The following PDE4B variants were observed in gnomAD, a reference collection of about 807,000 sequenced individuals.
PDE4B encodes the protein 3',5'-cyclic-AMP phosphodiesterase 4B.
A neutral mutation model predicts 82.2 loss-of-function variants in PDE4B; 20 were observed. The ratio of observed to expected loss-of-function variants is 0.24; its 90% CI spans 0.17 to 0.35. PDE4B has a LOEUF of 0.35. Among genes scored for constraint, PDE4B ranks in the 10% least tolerant of loss-of-function variants. The pLI is 1.00. For missense variants in PDE4B, 655 were observed against 907.2 expected, an observed-to-expected ratio of 0.72 and a Z score of 3.57; for synonymous variants, 320 against 318.9, an observed-to-expected ratio of 1.00 and a Z score of -0.04.
intron 7 of PDE4B, among the ~76,000 whole-genome samples, chr1:66,325,562 A>G (rs1352435339): frequency 6.6e-6 from 1 of 152,220 alleles, no homozygotes; most frequent in Non-Finnish European, 1.5e-5. Context: ...AATTTTGTGA[A>G]AAAACGATCC....
chr1:65,922,230 C>T (rs1427764314), intron 3 of PDE4B, among the ~76,000 whole-genome samples: 2 of 152,138 alleles, frequency 1.3e-5, no homozygotes, highest in Admixed American at 1.3e-4. Flanking sequence ...GATTACAATA[C>T]CTACACTTCA....
rs148691178 is a variant in PDE4B at position 65,964,606 on chromosome 1, A to G, written c.281+45771A>G. Among the ~76,000 whole-genome samples, 10 of 152,356 alleles carry G rather than the reference A, an allele frequency of 6.6e-5. No homozygotes were observed. The East Asian group carries it at 1.9e-3, about 29-fold the overall frequency. On this transcript the variant is annotated intron_variant, in intron 3 of 16. Transcript: ENST00000341517. ...GTAATAGATGTTCATAAAGTGGAAT[A>G]TATAGAGATGTTTCTAGAGCATTAT...
intron 3 of PDE4B, among the ~76,000 whole-genome samples, chr1:66,004,599 T>G (rs1652043785): frequency 6.6e-6 from 1 of 152,152 alleles, no homozygotes; most frequent in Non-Finnish European, 1.5e-5. Flanking sequence ...GTGAAACTAT[T>G]AATAGATACC....
chr1:66,243,835 A>G (rs1025351044), intron 3 of PDE4B, among the ~76,000 whole-genome samples: 3 of 152,244 alleles, frequency 2.0e-5, no homozygotes, highest in Admixed American at 1.3e-4. Context: ...GGCAGATCCA[A>G]GTGAGCAGGC....
chr1:66,318,714 CAT>C (rs1659189307), intron 7 of PDE4B, among the ~76,000 whole-genome samples: 2 of 152,158 alleles, frequency 1.3e-5, no homozygotes, highest in Admixed American at 6.6e-5. Context: ...ATTTTATTAA[CAT>C]ATTTTACTTA....
chr1:66,262,049 C>G (rs17128704), intron 6 of PDE4B, among the ~76,000 whole-genome samples: 3,736 of 152,256 alleles, frequency 0.025, 62 homozygotes, highest in Middle Eastern at 0.054. Context: ...AATAATGTAA[C>G]TTCTTTGTAT....
intron 1 of PDE4B, among the ~76,000 whole-genome samples, chr1:65,874,078 C>T (rs1646607913): frequency 6.6e-6 from 1 of 151,724 alleles, no homozygotes; most frequent in Non-Finnish European, 1.5e-5. Flanking sequence ...TTGTTTGTAT[C>T]CTCTTTTATT....
chr1:66,020,541 C>A (rs927404301), intron 3 of PDE4B, among the ~76,000 whole-genome samples: 1 of 151,938 alleles, frequency 6.6e-6, no homozygotes, highest in Non-Finnish European at 1.5e-5. Flanking sequence ...GTTCAATTCC[C>A]ACCTATGAGT....
chr1:65,898,167 AT>A (rs1471768057), intron 1 of PDE4B, among the ~76,000 whole-genome samples: 5 of 151,788 alleles, frequency 3.3e-5, no homozygotes, highest in African/African-American at 1.2e-4. Context: ...TCCTTTGCCC[AT>A]TTTTAATGGG....
intron 7 of PDE4B, among the ~76,000 whole-genome samples, chr1:66,305,623 C>G (rs1239343334): frequency 1.3e-5 from 2 of 152,068 alleles, no homozygotes; most frequent in African/African-American, 4.8e-5. Flanking sequence ...TCCTTTAAAG[C>G]TGTACTGAGA....
intron 8 of PDE4B, among the ~76,000 whole-genome samples, chr1:66,338,100 T>C (rs2101938808): frequency 6.6e-6 from 1 of 152,382 alleles, no homozygotes; most frequent in Non-Finnish European, 1.5e-5. Context: ...TGCTAAGCTC[T>C]TTACCTCATT....
At position 66,247,464 on chromosome 1, in the gene PDE4B, G is replaced by C. The variant is rs777331308; in HGVS notation, c.286G>C (p.Asp96His). The C allele has an allele frequency of 1.9e-6, 3 of 1,568,816 alleles. No individual in the cohort carries two copies. In the African/African-American group the frequency reaches 4.1e-5, roughly 22 times the overall value. Residue 96 changes from aspartate to histidine, a missense_variant, in exon 4 of 17, where the codon GAT (aspartate) becomes CAT (histidine). Asp to His is a moderately conservative substitution (Grantham distance 81). Transcript: ENST00000341517. The part of the protein sequence containing the change: ...AITTVSQECF[D>H]VENGPSPGRS... ...GTTTCCCACTTTCTCTTTAAGCTTT[G>C]ATGTGGAAAATGGCCCTTCCCCAGG...
chr1:66,125,653 A>C (rs1645808068), intron 3 of PDE4B, among the ~76,000 whole-genome samples: 1 of 152,204 alleles, frequency 6.6e-6, no homozygotes, highest in Non-Finnish European at 1.5e-5. Flanking sequence ...GATTTCGCTT[A>C]AAGTTGCAGT....
At chr1:66,080,785 T>C (rs939338130) in intron 3 of PDE4B, among the ~76,000 whole-genome samples, 4 of 152,192 alleles carry the variant, frequency 2.6e-5, no homozygotes, top group Non-Finnish European at 5.9e-5. Flanking sequence ...TGTGGGTCCA[T>C]GTGCAGGATT....
At chr1:66,126,327 C>T (rs1205997444) in intron 3 of PDE4B, among the ~76,000 whole-genome samples, 1 of 152,192 alleles carries the variant, frequency 6.6e-6, no homozygotes, top group African/African-American at 2.4e-5. Context: ...TAACTTTCTA[C>T]TAAGCTTCTG....
At chr1:66,193,456 C>T (rs1361078) in intron 3 of PDE4B, among the ~76,000 whole-genome samples, 75,561 of 151,870 alleles carry the variant, frequency 0.5, 19,539 homozygotes, top group South Asian at 0.63. Context: ...TCACTTACTT[C>T]GGAGAAGTCA....
intron 8 of PDE4B, among the ~76,000 whole-genome samples, chr1:66,347,601 G>A (rs1037338991): frequency 6.6e-6 from 1 of 152,136 alleles, no homozygotes; most frequent in African/African-American, 2.4e-5. Context: ...CAGATTAATA[G>A]GCTGTCCCAG....
chr1:66,063,541 A>G (rs1437305322), intron 3 of PDE4B, among the ~76,000 whole-genome samples: 3 of 152,010 alleles, frequency 2.0e-5, no homozygotes, highest in Non-Finnish European at 2.9e-5. Context: ...TATGGAGTAT[A>G]TAGTGATGTT....
intron 3 of PDE4B, among the ~76,000 whole-genome samples, chr1:65,954,998 C>T (rs1487738208): frequency 2.0e-5 from 3 of 151,900 alleles, no homozygotes; most frequent in African/African-American, 7.3e-5. Flanking sequence ...TGGCAAGCAA[C>T]AATTCATACT....
Sources: allele counts gnomAD v4.1 joint callset (sites outside exome capture counted in the v4.1 genomes callset), GRCh38; gene constraint gnomAD v4.1.1; transcripts MANE v1.5; gene names NCBI Gene and HGNC (gene_info 2026-07-23, HGNC 2026-07-21).